Variants in LRRTM4 observed in about 807,000 individuals in gnomAD.
The protein encoded by LRRTM4 is leucine rich repeat transmembrane neuronal 4.
In LRRTM4, 25 loss-of-function variants were observed where a neutral mutation model predicts 47.6. The observed-to-expected ratio is 0.53, with a 90% CI of 0.38 to 0.73. LRRTM4 has a LOEUF of 0.73. Among genes scored for constraint, LRRTM4 ranks in the 30% least tolerant of loss-of-function variants. The probability of loss-of-function intolerance (pLI) is 0.00; values close to 1 mark genes in which losing one functional copy is unlikely to be tolerated. For missense variants in LRRTM4, 638 were observed against 713.4 expected (o/e 0.89, Z 1.20); for synonymous variants, 311 against 269.5 (o/e 1.15, Z -1.51).
At chr2:76,810,003 C>A (rs1158891686) in intron 3 of LRRTM4, among the ~76,000 whole-genome samples, 1 of 152,154 alleles carries the variant, frequency 6.6e-6, no homozygotes, top group Non-Finnish European at 1.5e-5. Flanking sequence ...CTCCATTCTG[C>A]TTTACATTTC....
At chr2:77,112,657 CTAGA>C (rs1290071199) in intron 3 of LRRTM4, among the ~76,000 whole-genome samples, 4 of 149,398 alleles carry the variant, frequency 2.7e-5, no homozygotes, top group Admixed American at 6.7e-5. Context: ...GTAATTTCTG[CTAGA>C]TAGAGATAAA....
At chr2:77,160,460 A>C (rs1490798100) in intron 3 of LRRTM4, among the ~76,000 whole-genome samples, 1 of 152,012 alleles carries the variant, frequency 6.6e-6, no homozygotes, top group Admixed American at 6.6e-5. Flanking sequence ...TTTAGTGTTG[A>C]ACTTATAGAT....
chr2:77,211,052 T>G (rs1405251939), intron 3 of LRRTM4, among the ~76,000 whole-genome samples: 1 of 151,936 alleles, frequency 6.6e-6, no homozygotes, highest in African/African-American at 2.4e-5. Flanking sequence ...TCAAGGCCCA[T>G]CCAGGAAAAC....
intron 3 of LRRTM4, among the ~76,000 whole-genome samples, chr2:77,138,518 A>C (rs2860946): frequency 0.36 from 55,414 of 152,006 alleles, 11,197 homozygotes; most frequent in African/African-American, 0.53. Context: ...AAGAAAAAGC[A>C]GGAAACATCT....
chr2:77,115,839 C>A (rs1671377378), intron 3 of LRRTM4, among the ~76,000 whole-genome samples: 1 of 152,142 alleles, frequency 6.6e-6, no homozygotes, highest in Non-Finnish European at 1.5e-5. Context: ...TCCACCTAGA[C>A]CTAAATTCAA....
intron 3 of LRRTM4, among the ~76,000 whole-genome samples, chr2:77,394,886 G>A (rs561118804): frequency 1.3e-5 from 2 of 152,014 alleles, no homozygotes; most frequent in South Asian, 4.2e-4. Flanking sequence ...TCCGTCTCTT[G>A]TCCCATCAAA....
intron 3 of LRRTM4, among the ~76,000 whole-genome samples, chr2:76,845,120 G>A (rs544022802): frequency 3.9e-5 from 6 of 152,302 alleles, no homozygotes; most frequent in African/African-American, 1.4e-4. Context: ...GAACCTGACT[G>A]TAAACAAACT....
intron 3 of LRRTM4, among the ~76,000 whole-genome samples, chr2:77,413,031 G>T (rs190096639): frequency 2.0e-5 from 3 of 152,212 alleles, no homozygotes; most frequent in Admixed American, 2.0e-4. Context: ...TTTGAAGTAG[G>T]AAGGAAAGAC....
At chr2:76,773,299 G>C (rs1673794829) in intron 3 of LRRTM4, among the ~76,000 whole-genome samples, 1 of 152,170 alleles carries the variant, frequency 6.6e-6, no homozygotes, top group Admixed American at 6.5e-5. Flanking sequence ...TTTTTCACTA[G>C]CTCAGTCCAG....
intron 3 of LRRTM4, among the ~76,000 whole-genome samples, chr2:77,359,988 G>T (rs1411305128): frequency 1.3e-5 from 2 of 152,070 alleles, no homozygotes; most frequent in East Asian, 3.9e-4. Context: ...AGAACATGAA[G>T]TCTTCTCTGA....
At chr2:76,852,613 C>T (rs937246481) in intron 3 of LRRTM4, among the ~76,000 whole-genome samples, 1 of 151,956 alleles carries the variant, frequency 6.6e-6, no homozygotes, top group Admixed American at 6.6e-5. Context: ...ATTTTTCTTG[C>T]CATGTAGTAC....
At chr2:76,852,055 T>C (rs574735642) in intron 3 of LRRTM4, among the ~76,000 whole-genome samples, 1 of 152,148 alleles carries the variant, frequency 6.6e-6, no homozygotes, top group East Asian at 1.9e-4. Context: ...TGTTCAGATA[T>C]AGCTAATGAT....
intron 3 of LRRTM4, among the ~76,000 whole-genome samples, chr2:77,128,073 GC>G (rs1357510947): frequency 2.6e-5 from 4 of 151,616 alleles, no homozygotes; most frequent in African/African-American, 7.3e-5. Flanking sequence ...AACCCAGGAG[GC>G]AGAGGTTGCA....
intron 3 of LRRTM4, among the ~76,000 whole-genome samples, chr2:77,105,986 A>G (rs1671083395): frequency 6.6e-6 from 1 of 151,982 alleles, no homozygotes; most frequent in Non-Finnish European, 1.5e-5. Flanking sequence ...ACCATCTCCA[A>G]CTACACTCAC....
chr2:77,233,135 C>A (rs905375504), intron 3 of LRRTM4, among the ~76,000 whole-genome samples: 2 of 152,136 alleles, frequency 1.3e-5, no homozygotes, highest in Non-Finnish European at 2.9e-5. Flanking sequence ...AATCATATGA[C>A]AAATTAGTAT....
At chr2:76,823,806 A>T (rs1671118427) in intron 3 of LRRTM4, among the ~76,000 whole-genome samples, 1 of 151,604 alleles carries the variant, frequency 6.6e-6, no homozygotes, top group Non-Finnish European at 1.5e-5. Context: ...ATGTTGGAGA[A>T]TGTTTGCCAT....
chr2:77,072,815 A>AC (rs1264679549), intron 3 of LRRTM4, among the ~76,000 whole-genome samples: 1 of 151,516 alleles, frequency 6.6e-6, no homozygotes, highest in Non-Finnish European at 1.5e-5. Flanking sequence ...AAAAAAAAAA[A>AC]AAAAAAAACA....
At chr2:76,999,823 T>C (rs1042181861) in intron 3 of LRRTM4, among the ~76,000 whole-genome samples, 5 of 152,160 alleles carry the variant, frequency 3.3e-5, no homozygotes, top group African/African-American at 1.2e-4. Context: ...TTTTGAACAA[T>C]TATATAATGT....
At chr2:76,967,824 T>A (rs764346476) in intron 3 of LRRTM4, among the ~76,000 whole-genome samples, 61 of 151,030 alleles carry the variant, frequency 4.0e-4, no homozygotes, top group Non-Finnish European at 6.1e-4. Flanking sequence ...CTTTTTTTTT[T>A]AAATCACAAC....
Sources: gnomAD v4.1 joint callset for allele counts (sites outside exome capture counted in the v4.1 genomes callset) on GRCh38, gnomAD v4.1.1 for gene constraint, MANE v1.5 for transcripts, NCBI Gene and HGNC (gene_info 2026-07-23, HGNC 2026-07-21) for gene names.